Variants in NDFIP2 observed in about 807,000 individuals in gnomAD.
NDFIP2 encodes NEDD4 family-interacting protein 2.
NDFIP2 carries 19 observed loss-of-function variants against 36.0 expected under a neutral mutation model. That is an observed-to-expected ratio of 0.53 (90% CI 0.37 to 0.77). The LOEUF is 0.77. Ranked by LOEUF, NDFIP2 falls within the 30% of genes least tolerant of loss-of-function variation. NDFIP2 has a pLI of 0.00. For synonymous variants in NDFIP2, 181 were observed against 167.7 expected (o/e 1.08, Z -0.61); for missense variants, 446 against 435.8 (o/e 1.02, Z -0.21).
chr13:79,497,553 A>G (rs1873479304), intron 1 of NDFIP2, among the ~76,000 whole-genome samples: 1 of 151,180 alleles, frequency 6.6e-6, no homozygotes, highest in Admixed American at 6.6e-5. Flanking sequence ...ATTTTTTTAA[A>G]TTCTTTTTGT....
chr13:79,493,263 G>T (rs1236558039), intron 1 of NDFIP2, among the ~76,000 whole-genome samples: 1 of 152,198 alleles, frequency 6.6e-6, no homozygotes, highest in African/African-American at 2.4e-5. Context: ...ATTTTATTAT[G>T]TTTATAAAGT....
intron 5 of NDFIP2, among the ~76,000 whole-genome samples, chr13:79,544,090 C>T (rs1261815597): frequency 1.3e-5 from 2 of 152,106 alleles, no homozygotes; most frequent in Non-Finnish European, 2.9e-5. Flanking sequence ...TAAATCATGG[C>T]TACTATTATT....
intron 4 of NDFIP2, among the ~76,000 whole-genome samples, chr13:79,541,863 G>T (rs1045491796): frequency 6.6e-6 from 1 of 151,954 alleles, no homozygotes; most frequent in Admixed American, 6.5e-5. Context: ...TTTATTTTCA[G>T]TGTTTTACCT....
rs1424471389 is a variant in NDFIP2, at chr13:79,520,868, A to G, written c.380A>G (p.Asn127Ser). 1 of 1,613,844 alleles carries G rather than the reference A, an allele frequency of 6.2e-7. No homozygotes were observed. Among genetic ancestry groups the G allele is most frequent in the Non-Finnish European group, 8.5e-7 (1 of 1,179,932 alleles). Reference sequence around the variant, plus strand: ...GCTATAGAGCAGCCACCTACTTCAAACCCAGCACCGCAGATTGTGCAGGCT... The same window carrying G: ...GCTATAGAGCAGCCACCTACTTCAAGCCCAGCACCGCAGATTGTGCAGGCT... The part of the protein sequence containing the change: ...SSAIEQPPTS[N>S]PAPQIVQAAS... The change falls in exon 2 of 8, where the codon AAC (asparagine) becomes AGC (serine). Residue 127 changes from asparagine to serine, a missense_variant. Physicochemically the swap from Asn to Ser is conservative, Grantham distance 46 (BLOSUM62 1). Transcript: ENST00000218652.
chr13:79,481,694 A>G (rs1261816912), intron 1 of NDFIP2, among the ~76,000 whole-genome samples, 170 bp downstream of exon 1: 1 of 150,148 alleles, frequency 6.7e-6, no homozygotes, highest in East Asian at 2.0e-4. Flanking sequence ...TCACCTGCGC[A>G]CTCCTGCCTA....
chr13:79,510,662 T>C (rs921889883), intron 1 of NDFIP2, among the ~76,000 whole-genome samples: 2 of 151,768 alleles, frequency 1.3e-5, no homozygotes, highest in African/African-American at 4.8e-5. Flanking sequence ...AAACAGGTAA[T>C]GGGATGGAGA....
At chr13:79,515,157 TG>T (rs1874238119) in intron 1 of NDFIP2, among the ~76,000 whole-genome samples, 1 of 152,192 alleles carries the variant, frequency 6.6e-6, no homozygotes, top group African/African-American at 2.4e-5. Context: ...TGAATACTGT[TG>T]TAACACAATG....
intron 1 of NDFIP2, among the ~76,000 whole-genome samples, chr13:79,511,957 T>C (rs985979378): frequency 1.5e-4 from 23 of 152,230 alleles, no homozygotes; most frequent in Admixed American, 6.5e-5. Flanking sequence ...GTTTTGCTTT[T>C]AAAACCTCTT....
At chr13:79,540,342 ATCT>A (rs1269131418) in intron 4 of NDFIP2, among the ~76,000 whole-genome samples, 1 of 152,190 alleles carries the variant, frequency 6.6e-6, no homozygotes, top group Non-Finnish European at 1.5e-5. Context: ...AGTAAATTTA[ATCT>A]TCTTGAGGGA....
At chr13:79,515,474 A>G (rs1334405136) in intron 1 of NDFIP2, among the ~76,000 whole-genome samples, 1 of 152,168 alleles carries the variant, frequency 6.6e-6, no homozygotes, top group Non-Finnish European at 1.5e-5. Flanking sequence ...TTTGTTTCCT[A>G]ATGGTTCATA....
chr13:79,547,675 A>G (rs60492571), intron 5 of NDFIP2, among the ~76,000 whole-genome samples: 1,728 of 152,298 alleles, frequency 0.011, 35 homozygotes, highest in African/African-American at 0.04. Context: ...CACGGAGAAT[A>G]TAAAACTGTC....
chr13:79,482,169 C>CTTT (rs10558361), intron 1 of NDFIP2, among the ~76,000 whole-genome samples: 61 of 75,882 alleles, frequency 8.0e-4, no homozygotes, highest in African/African-American at 2.5e-3. Context: ...TTCTTTCTTT[C>CTTT]TTTTTTTTTT....
intron 1 of NDFIP2, among the ~76,000 whole-genome samples, chr13:79,484,285 G>T (rs1382046821): frequency 2.0e-5 from 3 of 152,136 alleles, no homozygotes. Context: ...AAAGTGCTGG[G>T]ATTACAGGTG....
intron 1 of NDFIP2, among the ~76,000 whole-genome samples, chr13:79,495,453 T>G (rs55671637): frequency 0.043 from 6,481 of 151,980 alleles, 472 homozygotes; most frequent in African/African-American, 0.15. Context: ...TAATAAAGCC[T>G]TCTTATTTTA....
At chr13:79,493,326 G>A (rs1873316036) in intron 1 of NDFIP2, among the ~76,000 whole-genome samples, 1 of 152,186 alleles carries the variant, frequency 6.6e-6, no homozygotes, top group African/African-American at 2.4e-5. Context: ...GTTTTGCACA[G>A]CCTATGCACT....
chr13:79,530,724 GT>G (rs1282390184), intron 2 of NDFIP2, among the ~76,000 whole-genome samples: 1 of 152,136 alleles, frequency 6.6e-6, no homozygotes, highest in Non-Finnish European at 1.5e-5. Context: ...ATTCATTTAA[GT>G]TTTACCATGA....
intron 1 of NDFIP2, among the ~76,000 whole-genome samples, chr13:79,505,165 A>G (rs1318113165): frequency 1.3e-5 from 2 of 152,240 alleles, no homozygotes; most frequent in African/African-American, 2.4e-5. Flanking sequence ...AGTTACTGCC[A>G]TAATGGCTTA....
intron 1 of NDFIP2, among the ~76,000 whole-genome samples, chr13:79,513,224 G>A (rs1245979248): frequency 6.6e-6 from 1 of 152,158 alleles, no homozygotes; most frequent in African/African-American, 2.4e-5. Flanking sequence ...AATTCCCACA[G>A]AAATTACTGT....
At chr13:79,501,491 G>A (rs751546958) in intron 1 of NDFIP2, among the ~76,000 whole-genome samples, 40 of 152,004 alleles carry the variant, frequency 2.6e-4, no homozygotes, top group Admixed American at 3.9e-4. Context: ...TGTTAAAAAC[G>A]TGATTTGGTG....
Sources: gnomAD v4.1 joint callset for allele counts (sites outside exome capture counted in the v4.1 genomes callset) on GRCh38, gnomAD v4.1.1 for gene constraint, MANE v1.5 for transcripts, NCBI Gene and HGNC (gene_info 2026-07-23, HGNC 2026-07-21) for gene names.